Variants in PRKAG2 observed in about 807,000 individuals in gnomAD.
PRKAG2 encodes 5'-AMP-activated protein kinase subunit gamma-2.
A neutral mutation model predicts 69.6 loss-of-function variants in PRKAG2; 26 were observed. The observed-to-expected ratio is 0.37, with a 90% CI of 0.27 to 0.52. The LOEUF is 0.52. PRKAG2 is among the 20% of genes least tolerant of loss of function. The pLI, the probability that PRKAG2 is intolerant of heterozygous loss-of-function variation, is 0.90. For missense variants in PRKAG2, 557 were observed against 740.0 expected (o/e 0.75, Z 2.87); for synonymous variants, 293 against 285.0 (o/e 1.03, Z -0.28).
At chr7:151,577,093 T>C (rs1219620862) in intron 6 of PRKAG2, among the ~76,000 whole-genome samples, 1 of 152,062 alleles carries the variant, frequency 6.6e-6, no homozygotes, top group East Asian at 1.9e-4. Context: ...CTACATGTGG[T>C]TATTAATTCA....
chr7:151,733,718 T>G (rs1428695376), intron 3 of PRKAG2, among the ~76,000 whole-genome samples: 2 of 150,064 alleles, frequency 1.3e-5, no homozygotes, highest in Non-Finnish European at 2.9e-5. Context: ...TTTTTTTTTT[T>G]GAGGGTCTTG....
At chr7:151,727,008 G>T (rs910916697) in intron 3 of PRKAG2, among the ~76,000 whole-genome samples, 1 of 152,024 alleles carries the variant, frequency 6.6e-6, no homozygotes, top group Non-Finnish European at 1.5e-5. Context: ...CTGAGGTCAG[G>T]AATTCAAGAC....
intron 5 of PRKAG2, among the ~76,000 whole-genome samples, chr7:151,607,463 G>C (rs1342317368): frequency 6.6e-6 from 1 of 151,100 alleles, no homozygotes; most frequent in East Asian, 1.9e-4. Flanking sequence ...TTTTTGTAGT[G>C]ATGGGGTCTC....
chr7:151,677,322 GATTAC>G (rs1488049930), intron 3 of PRKAG2, among the ~76,000 whole-genome samples: 1 of 152,120 alleles, frequency 6.6e-6, no homozygotes, highest in Non-Finnish European at 1.5e-5. Context: ...GAGTAGCTGG[GATTAC>G]AGGCACCTGC....
Position 151,574,880 on chromosome 7 carries a change from G to T in PRKAG2, c.1005+11C>A, listed in dbSNP as rs776445450. ...GCTCCAACTACTGACATAGGAACTG[G>T]TGCCACTTACCATAGGTGATTTATA... On this transcript the variant is annotated intron_variant, in intron 8 of 15. Transcript: ENST00000287878. 1 of 1,613,574 alleles carries T rather than the reference G, an allele frequency of 6.2e-7. No homozygotes were observed. The highest frequency in any genetic ancestry group is 1.1e-5 in the South Asian group (1 of 91,070).
At chr7:151,689,767 C>T (rs530781890) in intron 3 of PRKAG2, among the ~76,000 whole-genome samples, 3 of 152,170 alleles carry the variant, frequency 2.0e-5, no homozygotes, top group South Asian at 4.1e-4. Context: ...GACGCCACCC[C>T]GGCAGGCCCT....
chr7:151,826,854 C>G (rs560119930), intron 1 of PRKAG2, among the ~76,000 whole-genome samples: 1 of 152,288 alleles, frequency 6.6e-6, no homozygotes, highest in South Asian at 2.1e-4. Flanking sequence ...CCTAATTGCT[C>G]TATTCACTTG....
chr7:151,873,635 C>G (rs1195513859), intron 1 of PRKAG2, among the ~76,000 whole-genome samples: 2 of 152,216 alleles, frequency 1.3e-5, no homozygotes, highest in African/African-American at 4.8e-5. Context: ...ATGAATACTA[C>G]TTTCGCGGTG....
Position 151,857,239 on chromosome 7 carries a change from T to C in PRKAG2, c.114+19268A>G, listed in dbSNP as rs543483577. Among the ~76,000 whole-genome samples, 189 of 152,074 alleles carry C rather than the reference T, an allele frequency of 1.2e-3. 6 individuals carry two copies. The South Asian group carries it at 0.033, about 27-fold the overall frequency. ...AGAGCCAGAAAAGGTCAGTGCTTTT[T>C]GCTGGGTGACATTCAGGACCTTTCT... On this transcript the variant is annotated intron_variant, in intron 1 of 15. Coordinates refer to ENST00000287878, the MANE Select transcript of PRKAG2 (RefSeq NM_016203.4).
At chr7:151,665,983 A>C (rs899822828) in intron 4 of PRKAG2, among the ~76,000 whole-genome samples, 1 of 152,156 alleles carries the variant, frequency 6.6e-6, no homozygotes, top group African/African-American at 2.4e-5. Context: ...TTGGAGACTG[A>C]CTGAATGGCA....
chr7:151,594,840 C>T (rs1048432471), intron 6 of PRKAG2, among the ~76,000 whole-genome samples: 1 of 151,908 alleles, frequency 6.6e-6, no homozygotes, highest in African/African-American at 2.4e-5. Context: ...CACTCTGTTG[C>T]CAAGCTGGAG....
intron 3 of PRKAG2, among the ~76,000 whole-genome samples, chr7:151,700,289 T>C (rs1837456297): frequency 6.6e-6 from 1 of 152,162 alleles, no homozygotes; most frequent in Non-Finnish European, 1.5e-5. Context: ...CCAGCCCTCG[T>C]GGAGCTCAGG....
chr7:151,676,310 G>A (rs1360301083), intron 3 of PRKAG2, among the ~76,000 whole-genome samples: 1 of 151,938 alleles, frequency 6.6e-6, no homozygotes, highest in Admixed American at 6.6e-5. Flanking sequence ...CTACCAAAAC[G>A]TGCAACATGA....
intron 5 of PRKAG2, among the ~76,000 whole-genome samples, chr7:151,621,970 C>T (rs1471031233): frequency 6.6e-6 from 1 of 152,120 alleles, no homozygotes; most frequent in East Asian, 1.9e-4. Context: ...CCCATTTTTT[C>T]CTGAACAGAC....
chr7:151,874,058 GTA>G (rs1216890885), intron 1 of PRKAG2, among the ~76,000 whole-genome samples: 2 of 144,688 alleles, frequency 1.4e-5, no homozygotes, highest in African/African-American at 2.5e-5. Context: ...GTATGTATAT[GTA>G]TATGTATATG....
At chr7:151,805,406 G>A (rs2078051442) in intron 1 of PRKAG2, among the ~76,000 whole-genome samples, 1 of 152,160 alleles carries the variant, frequency 6.6e-6, no homozygotes, top group Admixed American at 6.5e-5. Context: ...TTTCAAATAG[G>A]AGGAACCCCC....
intron 6 of PRKAG2, among the ~76,000 whole-genome samples, chr7:151,582,089 G>A (rs2151071682): frequency 6.6e-6 from 1 of 152,294 alleles, no homozygotes; most frequent in African/African-American, 2.4e-5. Context: ...TCAATGGCAG[G>A]GAGGGATGGA....
chr7:151,786,730 C>G (rs569883486), intron 1 of PRKAG2, among the ~76,000 whole-genome samples, 189 bp from the exon 2 acceptor site: 1 of 152,304 alleles, frequency 6.6e-6, no homozygotes, highest in Non-Finnish European at 1.5e-5. Flanking sequence ...CATCCGCTTC[C>G]AGAACGTGCA....
At chr7:151,855,251 C>CCGCCCTCCACACA (rs2079711341) in intron 1 of PRKAG2, among the ~76,000 whole-genome samples, 1 of 141,512 alleles carries the variant, frequency 7.1e-6, no homozygotes, top group African/African-American at 2.5e-5. Context: ...TCCACACACA[C>CCGCCCTCCACACA]CACCCTCCAC....
Sources: gnomAD v4.1 joint callset for allele counts (sites outside exome capture counted in the v4.1 genomes callset) on GRCh38, gnomAD v4.1.1 for gene constraint, MANE v1.5 for transcripts, NCBI Gene and HGNC (gene_info 2026-07-23, HGNC 2026-07-21) for gene names.